Variants in PARG observed in about 807,000 individuals in gnomAD.
PARG encodes mitochondrial poly(ADP-ribose) glycohydrolase.
A neutral mutation model predicts 113.0 loss-of-function variants in PARG; 35 were observed. The ratio of observed to expected loss-of-function variants is 0.31; its 90% CI spans 0.24 to 0.41. The LOEUF is 0.41. PARG is among the 10% of genes least tolerant of loss of function. The pLI is 1.00. For synonymous variants in PARG, 330 were observed against 409.9 expected (o/e 0.81, Z 2.36); for missense variants, 797 against 1,169.4 (o/e 0.68, Z 4.64).
chr10:49,839,908 C>A (rs1845139993), intron 15 of PARG, among the ~76,000 whole-genome samples: 1 of 152,170 alleles, frequency 6.6e-6, no homozygotes, highest in Non-Finnish European at 1.5e-5. Context: ...GTCCTCTTGA[C>A]CGTGTGACAA....
intron 9 of PARG, among the ~76,000 whole-genome samples, chr10:49,876,943 A>C (rs1322838488): frequency 6.6e-6 from 1 of 152,074 alleles, no homozygotes; most frequent in African/African-American, 2.4e-5. Context: ...TTATATATAA[A>C]AAAAAAAAAC....
chr10:49,897,289 T>G (rs1227565502), intron 7 of PARG, among the ~76,000 whole-genome samples: 1 of 152,162 alleles, frequency 6.6e-6, no homozygotes, highest in Non-Finnish European at 1.5e-5. Context: ...CAGCTAGTAT[T>G]ATGATGATGA....
chr10:49,883,686 G>A (rs1193975665), intron 8 of PARG, among the ~76,000 whole-genome samples: 5 of 151,838 alleles, frequency 3.3e-5, no homozygotes, highest in African/African-American at 4.8e-5. Flanking sequence ...CTGTAGTCCC[G>A]GCTACTCAGG....
intron 16 of PARG, among the ~76,000 whole-genome samples, chr10:49,822,643 G>A (rs1267121543): frequency 6.6e-6 from 1 of 152,122 alleles, no homozygotes; most frequent in East Asian, 1.9e-4. Flanking sequence ...CAAATCTAGG[G>A]AAAATTTTGC....
At position 49,825,029 on chromosome 10, in the gene PARG, C is replaced by G. The variant is rs1054679813; in HGVS notation, c.2648-4736G>C. On this transcript the variant is annotated intron_variant, in intron 16 of 17. Coordinates refer to ENST00000616448, the MANE Select transcript of PARG (RefSeq NM_003631.5). ...TGCTGTCAAGGAGGCCAAAATAGTA[C>G]AGATTTGAAAGTACTATGCATGTCC... Among the ~76,000 whole-genome samples the G allele has an allele frequency of 2.6e-5, 4 of 152,080 alleles. No homozygotes were observed. In the East Asian group the frequency reaches 7.7e-4, roughly 29 times the overall value.
chr10:49,905,275 A>C (rs1349500643), intron 7 of PARG, among the ~76,000 whole-genome samples: 6 of 152,296 alleles, frequency 3.9e-5, no homozygotes, highest in Non-Finnish European at 5.9e-5. Context: ...AAAACAATGA[A>C]AAGGTTTGGA....
chr10:49,822,034 G>GA (rs549141613), intron 16 of PARG, among the ~76,000 whole-genome samples: 266 of 152,232 alleles, frequency 1.7e-3, no homozygotes, highest in Non-Finnish European at 3.3e-3. Context: ...AAGCAACTCT[G>GA]AAACTATTTT....
intron 6 of PARG, among the ~76,000 whole-genome samples, chr10:49,920,589 T>C (rs1273397225): frequency 6.9e-6 from 1 of 144,786 alleles, no homozygotes; most frequent in African/African-American, 2.5e-5. Context: ...TATATACACA[T>C]ATATACATAT....
chr10:49,941,614 C>G lies in PARG; in HGVS notation c.112G>C (p.Val38Leu). Residue 38 changes from valine to leucine, a missense_variant, in exon 1 of 18, where the codon GTC becomes CTC. Physicochemically the swap from Val to Leu is conservative, Grantham distance 32 (BLOSUM62 1). Coordinates refer to ENST00000616448, the MANE Select transcript of PARG (RefSeq NM_003631.5). ...ARSFPSRQRR[V>L]LDPKDAHVQF... ...ACGTGAGCGTCCTTGGGGTCGAGGACGCGCCTCTGCCTGCTGGGAAAGCTC... is the reference window on the plus strand; with the variant it reads ...ACGTGAGCGTCCTTGGGGTCGAGGAGGCGCCTCTGCCTGCTGGGAAAGCTC... The G allele has an allele frequency of 6.3e-7, 1 of 1,585,612 alleles. No homozygotes were observed. The highest frequency in any genetic ancestry group is 8.6e-7 in the Non-Finnish European group (1 of 1,167,014).
chr10:49,856,355 T>C (rs1305040458), intron 13 of PARG, among the ~76,000 whole-genome samples: 1 of 151,584 alleles, frequency 6.6e-6, no homozygotes, highest in East Asian at 2.0e-4. Context: ...AATTTTTGTA[T>C]TTTTAGTAGA....
intron 1 of PARG, 117 bp from the exon 2 acceptor site, chr10:49,935,259 G>A: frequency 1.7e-6 from 1 of 588,298 alleles, no homozygotes; most frequent in Non-Finnish European, 3.1e-6. Context: ...AATAACTCAA[G>A]TATTTGCCCT....
At chr10:49,895,413 T>C (rs1554842506) in intron 7 of PARG, among the ~76,000 whole-genome samples, 3 of 152,270 alleles carry the variant, frequency 2.0e-5, no homozygotes, top group African/African-American at 7.2e-5. Flanking sequence ...GATATCTTTT[T>C]TTTTTTTGAG....
chr10:49,908,432 T>C (rs1836980960), intron 7 of PARG: 1 of 152,274 alleles, frequency 6.6e-6, no homozygotes, highest in Middle Eastern at 3.4e-3. Context: ...ATGAATTAAA[T>C]TGAGCTGTAA....
chr10:49,912,772 T>C (rs184801299), intron 7 of PARG, among the ~76,000 whole-genome samples: 601 of 151,918 alleles, frequency 4.0e-3, no homozygotes, highest in East Asian at 0.016. Context: ...CAAGACCAGC[T>C]TGGGTAACAA....
intron 7 of PARG, among the ~76,000 whole-genome samples, chr10:49,913,782 A>G (rs1837322473): frequency 6.6e-6 from 1 of 152,162 alleles, no homozygotes; most frequent in South Asian, 2.1e-4. Context: ...GGGCACCTGT[A>G]ATCCCAGCTA....
intron 7 of PARG, among the ~76,000 whole-genome samples, chr10:49,901,292 T>G (rs1848337358): frequency 6.6e-6 from 1 of 151,770 alleles, no homozygotes; most frequent in African/African-American, 2.4e-5. Flanking sequence ...TAAAAAAATT[T>G]TTGTAGCAAT....
At chr10:49,866,226 G>A (rs533885603) in intron 10 of PARG, among the ~76,000 whole-genome samples, 1 of 152,028 alleles carries the variant, frequency 6.6e-6, no homozygotes, top group African/African-American at 2.4e-5. Flanking sequence ...AACTAAAAAG[G>A]CCATGCCATT....
chr10:49,888,345 A>T (rs1341827840), intron 7 of PARG, among the ~76,000 whole-genome samples: 1 of 152,000 alleles, frequency 6.6e-6, no homozygotes, highest in Non-Finnish European at 1.5e-5. Context: ...CTGATGTTCC[A>T]TGATTCCTTT....
At chr10:49,898,626 C>T (rs1397404249) in intron 7 of PARG, among the ~76,000 whole-genome samples, 1 of 151,930 alleles carries the variant, frequency 6.6e-6, no homozygotes, top group African/African-American at 2.4e-5. Context: ...AGATTCTTAT[C>T]TAGTCTCATT....
Sources: gnomAD v4.1 joint callset for allele counts (sites outside exome capture counted in the v4.1 genomes callset) on GRCh38, gnomAD v4.1.1 for gene constraint, MANE v1.5 for transcripts, NCBI Gene and HGNC (gene_info 2026-07-23, HGNC 2026-07-21) for gene names.